PLD1: variants seen among roughly 807,000 people sequenced by gnomAD.
PLD1 encodes phospholipase D1, also known as choline phosphatase 1.
In PLD1, 112 loss-of-function variants were observed where a neutral mutation model predicts 137.1. The observed-to-expected ratio is 0.82, with a 90% CI of 0.70 to 0.96. PLD1 has a LOEUF of 0.96. PLD1 is among the 40% of genes least tolerant of loss of function. The probability of loss-of-function intolerance (pLI) is 0.00; values close to 1 mark genes in which losing one functional copy is unlikely to be tolerated. For missense variants in PLD1, 1,321 were observed against 1,342.0 expected (o/e 0.98, Z 0.24); for synonymous variants, 431 against 454.7 (o/e 0.95, Z 0.66).
At chr3:171,777,523 C>T (rs1722631463) in intron 1 of PLD1, among the ~76,000 whole-genome samples, 1 of 152,226 alleles carries the variant, frequency 6.6e-6, no homozygotes. Flanking sequence ...CTAGCAGTTC[C>T]TTTAACCTGA....
chr3:171,609,153 A>G (rs1162498162), intron 25 of PLD1, among the ~76,000 whole-genome samples: 1 of 152,184 alleles, frequency 6.6e-6, no homozygotes, highest in Non-Finnish European at 1.5e-5. Flanking sequence ...AACATCATTA[A>G]TTATCAGATA....
At chr3:171,699,001 GAC>G (rs1311872146) in intron 12 of PLD1, among the ~76,000 whole-genome samples, 1 of 142,840 alleles carries the variant, frequency 7.0e-6, no homozygotes, top group African/African-American at 2.6e-5. Flanking sequence ...AAAAGGTTAA[GAC>G]AGTTTCTGAT....
At chr3:171,787,504 A>T (rs1243775781) in intron 1 of PLD1, among the ~76,000 whole-genome samples, 1 of 152,220 alleles carries the variant, frequency 6.6e-6, no homozygotes, top group Non-Finnish European at 1.5e-5. Context: ...CAAGAACTTC[A>T]TGACCATATT....
At chr3:171,685,704 A>G (rs1196367847) in intron 16 of PLD1, among the ~76,000 whole-genome samples, 3 of 152,186 alleles carry the variant, frequency 2.0e-5, no homozygotes, top group Admixed American at 6.5e-5. Context: ...TCCCACCACA[A>G]GTTAAACTTA....
intron 21 of PLD1, among the ~76,000 whole-genome samples, chr3:171,648,676 TC>T (rs1162592285): frequency 6.6e-6 from 1 of 152,142 alleles, no homozygotes; most frequent in East Asian, 1.9e-4. Flanking sequence ...TGCCTCAGCT[TC>T]CCGAGTAGCT....
chr3:171,730,246 A>G (rs1718829299), intron 6 of PLD1, among the ~76,000 whole-genome samples: 1 of 152,186 alleles, frequency 6.6e-6, no homozygotes, highest in Admixed American at 6.5e-5. Flanking sequence ...TACACAACTC[A>G]GATATTGCTA....
intron 25 of PLD1, among the ~76,000 whole-genome samples, chr3:171,606,666 A>G (rs528796714): frequency 6.6e-6 from 1 of 152,332 alleles, no homozygotes; most frequent in Admixed American, 6.5e-5. Flanking sequence ...GGACATCATT[A>G]TATTGTTACC....
chr3:171,693,933 C>T (rs1216978405), intron 12 of PLD1, among the ~76,000 whole-genome samples: 3 of 152,078 alleles, frequency 2.0e-5, no homozygotes, highest in East Asian at 1.9e-4. Flanking sequence ...TAATGCTATA[C>T]GATCTAACAT....
At chr3:171,739,321 A>G (rs1383709861) in intron 1 of PLD1, among the ~76,000 whole-genome samples, 1 of 152,182 alleles carries the variant, frequency 6.6e-6, no homozygotes, top group Non-Finnish European at 1.5e-5. Flanking sequence ...TCGAAAACCT[A>G]TACTTTTATG....
chr3:171,796,409 T>C (rs1723439855), intron 1 of PLD1, among the ~76,000 whole-genome samples: 2 of 152,328 alleles, frequency 1.3e-5, no homozygotes, highest in Admixed American at 6.5e-5. Context: ...AAGAAAACCA[T>C]AGCAAAATGA....
rs979448027 is a variant in PLD1, at chr3:171,712,243, G to A, written c.911+1650C>T. 5.3e-5 allele frequency among the ~76,000 whole-genome samples: 8 copies of A among 152,344 alleles called. No homozygotes were observed. In the East Asian group the frequency reaches 7.7e-4, roughly 15 times the overall value. ...GCTGTGGAGACAGGGGAGGAGAGAC[G>A]TGGTGGAGCTGAGAGGAGTGAAGCA... On this transcript the variant is annotated intron_variant, in intron 9 of 26. Transcript: ENST00000351298.
chr3:171,701,885 G>A (rs952211592), intron 11 of PLD1, among the ~76,000 whole-genome samples: 1 of 152,178 alleles, frequency 6.6e-6, no homozygotes, highest in East Asian at 1.9e-4. Flanking sequence ...AGCATAAGAT[G>A]CATCCTGATT....
At chr3:171,654,299 TCAA>T in intron 21 of PLD1, 12 of 121,798 alleles carry the variant, frequency 9.9e-5, no homozygotes, top group South Asian at 3.5e-4. Context: ...CAAGACTGTC[TCAA>T]AAAAAAAAAA....
intron 1 of PLD1, chr3:171,792,760 C>T (rs990044352): frequency 1.1e-5 from 5 of 451,570 alleles, no homozygotes; most frequent in African/African-American, 1.0e-4. Context: ...TTTCTAGAGC[C>T]CCACCCTCCC....
At chr3:171,762,368 C>A (rs1211212350) in intron 1 of PLD1, among the ~76,000 whole-genome samples, 1 of 152,198 alleles carries the variant, frequency 6.6e-6, no homozygotes, top group Non-Finnish European at 1.5e-5. Flanking sequence ...AGTTAAATAT[C>A]CACATGAAGT....
chr3:171,625,302 G>C (rs1225004265), intron 23 of PLD1, among the ~76,000 whole-genome samples: 1 of 152,252 alleles, frequency 6.6e-6, no homozygotes, highest in Non-Finnish European at 1.5e-5. Context: ...GGCTGGGGGA[G>C]GGGCGCCTGC....
Position 171,686,713 on chromosome 3 carries a change from A to AAG in PLD1, c.1838_1839insCT (p.Glu614LeufsTer95). 1 of 1,600,144 alleles carries AAG rather than the reference A, an allele frequency of 6.2e-7. No homozygotes were observed. Among genetic ancestry groups the AAG allele is most frequent in the Non-Finnish European group, 8.6e-7 (1 of 1,167,318 alleles). Reference sequence around the variant, plus strand: ...CATGAGGTCTAGTGAGTCCTTGCTCAGACTCACTGGACGGGTGAAAGAGTT... The same window carrying AAG: ...CATGAGGTCTAGTGAGTCCTTGCTCAAGGACTCACTGGACGGGTGAAAGAGTT... On this transcript the variant is annotated frameshift_variant, in exon 16 of 27. Coordinates refer to ENST00000351298, the MANE Select transcript of PLD1 (RefSeq NM_002662.5). LOFTEE classifies it high-confidence loss of function.
At chr3:171,682,379 C>T (rs1427431588) in intron 16 of PLD1, among the ~76,000 whole-genome samples, 1 of 152,162 alleles carries the variant, frequency 6.6e-6, no homozygotes, top group East Asian at 1.9e-4. Context: ...TCACTCCACA[C>T]TGATTTCTGT....
At chr3:171,755,241 A>C (rs1720938775) in intron 1 of PLD1, among the ~76,000 whole-genome samples, 1 of 152,008 alleles carries the variant, frequency 6.6e-6, no homozygotes, top group Non-Finnish European at 1.5e-5. Context: ...CTTCCTAAGA[A>C]AGTTGTCTAC....
Sources: allele counts gnomAD v4.1 joint callset (sites outside exome capture counted in the v4.1 genomes callset), GRCh38; gene constraint gnomAD v4.1.1; transcripts MANE v1.5; gene names NCBI Gene and HGNC (gene_info 2026-07-23, HGNC 2026-07-21).